LRP1B: variants seen among roughly 807,000 people sequenced by gnomAD.
The protein encoded by LRP1B is LDL receptor related protein 1B.
LRP1B carries 217 observed loss-of-function variants against 556.6 expected under a neutral mutation model. That is an observed-to-expected ratio of 0.39 (90% CI 0.35 to 0.44). The LOEUF is 0.44. Among genes scored for constraint, LRP1B ranks in the 20% least tolerant of loss-of-function variants. LRP1B has a pLI of 1.00. For synonymous variants in LRP1B, 2,047 were observed against 1,865.8 expected (o/e 1.10, Z -2.50); for missense variants, 5,053 against 5,620.8 (o/e 0.90, Z 3.23).
At chr2:141,314,159 T>C (rs1686910599) in intron 3 of LRP1B, among the ~76,000 whole-genome samples, 1 of 152,184 alleles carries the variant, frequency 6.6e-6, no homozygotes, top group African/African-American at 2.4e-5. Flanking sequence ...AATAAAAATA[T>C]ACTCGCATGC....
intron 2 of LRP1B, among the ~76,000 whole-genome samples, chr2:141,619,660 A>G (rs1688432896): frequency 6.6e-6 from 1 of 152,206 alleles, no homozygotes; most frequent in African/African-American, 2.4e-5. Flanking sequence ...AATGAATTCA[A>G]ATTATCTGGA....
intron 23 of LRP1B, among the ~76,000 whole-genome samples, chr2:140,890,829 A>G (rs1039108215): frequency 6.6e-6 from 1 of 151,998 alleles, no homozygotes; most frequent in African/African-American, 2.4e-5. Flanking sequence ...TTTTTACTTT[A>G]ATTAAATGAA....
intron 41 of LRP1B, among the ~76,000 whole-genome samples, chr2:140,627,202 T>G (rs1469634301): frequency 6.6e-6 from 1 of 152,166 alleles, no homozygotes; most frequent in African/African-American, 2.4e-5. Flanking sequence ...GGGTTAATAA[T>G]GAGTGTCGAC....
intron 29 of LRP1B, among the ~76,000 whole-genome samples, 157 bp downstream of exon 29, chr2:140,849,945 A>G (rs963578512): frequency 3.9e-5 from 6 of 152,196 alleles, no homozygotes; most frequent in African/African-American, 1.4e-4. Context: ...CCATTCTACA[A>G]TAGTAAGGAT....
chr2:141,513,704 A>T (rs1276029984), intron 2 of LRP1B, among the ~76,000 whole-genome samples: 2 of 148,824 alleles, frequency 1.3e-5, no homozygotes, highest in African/African-American at 4.9e-5. Flanking sequence ...TTTTTAAAGG[A>T]CAAACTTAAA....
chr2:140,884,488 TTC>T (rs1269814380), intron 24 of LRP1B, among the ~76,000 whole-genome samples: 1 of 152,166 alleles, frequency 6.6e-6, no homozygotes, highest in Non-Finnish European at 1.5e-5. Flanking sequence ...CTCACTCTTT[TTC>T]TCTTTTTAGA....
At chr2:140,486,516 A>ACT (rs1200497248) in intron 58 of LRP1B, among the ~76,000 whole-genome samples, 2 of 151,934 alleles carry the variant, frequency 1.3e-5, no homozygotes, top group Non-Finnish European at 1.5e-5. Flanking sequence ...TTATGTAAAT[A>ACT]GGTGATTTAA....
In LRP1B at chr2:141,108,334, C is replaced by CTTTTTTTTTTTTT. The variant is rs60275697; in HGVS notation, c.1014-46074_1014-46062dup. The stretch of plus-strand genomic sequence containing the variant: ...ACAAAAATATGTTTATAATCTGTTT[C>CTTTTTTTTTTTTT]TTTTTTTTTTTTTTTTTTTTTTTTT... On this transcript the variant is annotated intron_variant, in intron 7 of 90. Transcript: ENST00000389484. Among the ~76,000 whole-genome samples the CTTTTTTTTTTTTT allele has an allele frequency of 1.4e-4, 12 of 88,520 alleles. 1 individual carries two copies. Among genetic ancestry groups the CTTTTTTTTTTTTT allele is most frequent in the African/African-American group, 3.9e-4 (8 of 20,730 alleles). 58.1% of individuals were successfully genotyped at this position (88,520 alleles called of 152,430 possible). A position where few individuals can be genotyped will look rare whatever the true frequency, so the allele number is the denominator to read the frequency against.
intron 2 of LRP1B, among the ~76,000 whole-genome samples, chr2:141,676,395 C>G (rs1456737471): frequency 6.6e-6 from 1 of 152,146 alleles, no homozygotes; most frequent in Non-Finnish European, 1.5e-5. Flanking sequence ...ATTCCAAACC[C>G]TTGTCCTCTT....
chr2:141,855,159 T>C (rs1198801663), intron 1 of LRP1B, among the ~76,000 whole-genome samples: 1 of 152,018 alleles, frequency 6.6e-6, no homozygotes, highest in African/African-American at 2.4e-5. Flanking sequence ...GCTCTCAAGA[T>C]GAAGCAGCCA....
intron 2 of LRP1B, among the ~76,000 whole-genome samples, chr2:141,712,109 A>G (rs993851780): frequency 6.6e-6 from 1 of 152,206 alleles, no homozygotes; most frequent in Non-Finnish European, 1.5e-5. Context: ...TGAAAATCAA[A>G]TGTATATAAA....
intron 43 of LRP1B, among the ~76,000 whole-genome samples, chr2:140,596,926 A>G (rs1489568336): frequency 1.3e-5 from 2 of 152,206 alleles, no homozygotes; most frequent in Non-Finnish European, 2.9e-5. Context: ...TCAGTGATTT[A>G]GCTAGTAGGG....
chr2:141,986,826 C>T (rs1382445644), intron 1 of LRP1B, among the ~76,000 whole-genome samples: 1 of 151,912 alleles, frequency 6.6e-6, no homozygotes, highest in African/African-American at 2.4e-5. Context: ...ATGAGTTTGT[C>T]AAAATTATAG....
intron 1 of LRP1B, among the ~76,000 whole-genome samples, chr2:141,990,313 A>G (rs1207324770): frequency 6.6e-6 from 1 of 152,198 alleles, no homozygotes; most frequent in African/African-American, 2.4e-5. Flanking sequence ...ATACTCTAAA[A>G]ATGAATGTTA....
chr2:141,186,478 T>C (rs140153416), intron 7 of LRP1B, among the ~76,000 whole-genome samples: 33 of 152,076 alleles, frequency 2.2e-4, no homozygotes, highest in African/African-American at 6.3e-4. Flanking sequence ...AAGAGAAAAA[T>C]AGAATGTATT....
Position 140,897,821 on chromosome 2 carries a change from C to T in LRP1B, c.3766+5099G>A, listed in dbSNP as rs533043956. Among the ~76,000 whole-genome samples, 5 of 152,248 alleles carry T rather than the reference C, an allele frequency of 3.3e-5. No individual in the cohort carries two copies. In the East Asian group the frequency reaches 9.7e-4, roughly 30 times the overall value. On this transcript the variant is annotated intron_variant, in intron 23 of 90. Coordinates refer to ENST00000389484, the MANE Select transcript of LRP1B (RefSeq NM_018557.3). ...ACCTTCAGTCACAGACTGAAGGCTGCGCTATCGGCTTCCCTACTTTTGAGG... is the reference window on the plus strand; with the variant it reads ...ACCTTCAGTCACAGACTGAAGGCTGTGCTATCGGCTTCCCTACTTTTGAGG...
At chr2:142,069,691 C>G (rs546126551) in intron 1 of LRP1B, among the ~76,000 whole-genome samples, 4 of 151,676 alleles carry the variant, frequency 2.6e-5, no homozygotes, top group Non-Finnish European at 4.4e-5. Flanking sequence ...TTTGTACATG[C>G]GAAAAGGTTT....
intron 41 of LRP1B, among the ~76,000 whole-genome samples, chr2:140,631,400 G>A (rs1156841420): frequency 1.3e-5 from 2 of 152,180 alleles, no homozygotes; most frequent in Admixed American, 1.3e-4. Flanking sequence ...ATAAGTTAAA[G>A]TCTCTAATGA....
At chr2:142,127,753 G>T (rs1450098306) in intron 1 of LRP1B, among the ~76,000 whole-genome samples, 2 of 152,052 alleles carry the variant, frequency 1.3e-5, no homozygotes, top group Admixed American at 1.3e-4. Context: ...ACATTAAAAT[G>T]ACTATAACAG....
Sources: gnomAD v4.1 joint callset for allele counts (sites outside exome capture counted in the v4.1 genomes callset) on GRCh38, gnomAD v4.1.1 for gene constraint, MANE v1.5 for transcripts, NCBI Gene and HGNC (gene_info 2026-07-23, HGNC 2026-07-21) for gene names.